The following RPS6KA5 variants were observed in gnomAD, a reference collection of about 807,000 sequenced individuals.
RPS6KA5 encodes the protein ribosomal protein S6 kinase A5, also known as ribosomal protein S6 kinase alpha-5.
RPS6KA5 carries 27 observed loss-of-function variants against 85.5 expected under a neutral mutation model. The ratio of observed to expected loss-of-function variants is 0.32; its 90% CI spans 0.23 to 0.44. The LOEUF is 0.44. Among genes scored for constraint, RPS6KA5 ranks in the 20% least tolerant of loss-of-function variants. The pLI is 1.00. For synonymous variants in RPS6KA5, 334 were observed against 348.2 expected (o/e 0.96, Z 0.46); for missense variants, 811 against 980.9 (o/e 0.83, Z 2.31).
chr14:91,030,201 G>A (rs1170447849), intron 1 of RPS6KA5, among the ~76,000 whole-genome samples: 1 of 152,136 alleles, frequency 6.6e-6, no homozygotes, highest in East Asian at 1.9e-4. Flanking sequence ...CGGATTTAAG[G>A]AGTTTTATTC....
intron 5 of RPS6KA5, among the ~76,000 whole-genome samples, chr14:90,932,119 T>A (rs537397925): frequency 3.8e-4 from 58 of 152,132 alleles, no homozygotes; most frequent in African/African-American, 1.4e-3. Flanking sequence ...CATTCAATCA[T>A]TCATTCATTC....
In RPS6KA5 at chr14:90,951,250, G is replaced by A. The variant is rs1032918290; in HGVS notation, c.395-3700C>T. 4.6e-5 allele frequency among the ~76,000 whole-genome samples: 7 copies of A among 152,130 alleles called. No homozygotes were observed. The South Asian group carries it at 8.3e-4, about 18-fold the overall frequency. ...TGTAATCCCAGCACTTTGTGAGGCC[G>A]AGGCGGGCGGGTCACCAGGTCAGGA... On this transcript the variant is annotated intron_variant, in intron 3 of 16. Coordinates refer to ENST00000614987, the MANE Select transcript of RPS6KA5 (RefSeq NM_004755.4).
intron 3 of RPS6KA5, among the ~76,000 whole-genome samples, chr14:90,977,986 C>T (rs554832613): frequency 3.2e-4 from 48 of 152,078 alleles, no homozygotes; most frequent in African/African-American, 1.1e-3. Flanking sequence ...ACCTGGGAGG[C>T]GGAGGTTGCA....
At chr14:90,914,610 T>C (rs943327797) in intron 7 of RPS6KA5, among the ~76,000 whole-genome samples, 8 of 152,164 alleles carry the variant, frequency 5.3e-5, no homozygotes, top group Non-Finnish European at 1.5e-5. Flanking sequence ...CCACTGCACC[T>C]GGCCTATCCC....
At chr14:91,003,681 C>A (rs1192916444) in intron 1 of RPS6KA5, among the ~76,000 whole-genome samples, 1 of 152,182 alleles carries the variant, frequency 6.6e-6, no homozygotes, top group Non-Finnish European at 1.5e-5. Context: ...ATTTCATTTA[C>A]TCTTTTTATT....
chr14:91,021,011 G>C (rs1225493277), intron 1 of RPS6KA5, among the ~76,000 whole-genome samples: 5 of 152,080 alleles, frequency 3.3e-5, no homozygotes, highest in Non-Finnish European at 7.3e-5. Context: ...AATGACATTA[G>C]ATTTATCATC....
Position 91,044,392 on chromosome 14 carries a change from GGAAAGAAAGAAAGAAAGAAA to G in RPS6KA5, c.103+15920_103+15939del, listed in dbSNP as rs71461930. On this transcript the variant is annotated intron_variant, in intron 1 of 16. Coordinates refer to ENST00000614987, the MANE Select transcript of RPS6KA5 (RefSeq NM_004755.4). ...AAGAAAGAAGGAAAGAAAGAAAGAA[GGAAAGAAAGAAAGAAAGAAA>G]GAAAGAAAGAAAGAAAGAAAGAAAG... 9.8e-3 allele frequency among the ~76,000 whole-genome samples: 542 copies of G among 55,162 alleles called. 6 individuals carry two copies. The highest frequency in any genetic ancestry group is 0.03 in the African/African-American group (471 of 15,714). 36.2% of individuals were successfully genotyped at this position (55,162 alleles called of 152,430 possible).
At chr14:90,914,961 G>A (rs2036032940) in intron 7 of RPS6KA5, among the ~76,000 whole-genome samples, 1 of 152,080 alleles carries the variant, frequency 6.6e-6, no homozygotes, top group Admixed American at 6.5e-5. Context: ...TGCTCATATT[G>A]GGTACAGAAA....
chr14:90,879,733 T>A (rs2140156280), intron 14 of RPS6KA5, among the ~76,000 whole-genome samples: 1 of 152,234 alleles, frequency 6.6e-6, no homozygotes, highest in South Asian at 2.1e-4. Flanking sequence ...AGCTTCAGGT[T>A]TCGCTTTCCG....
At position 90,944,119 on chromosome 14, in the gene RPS6KA5, A is replaced by T. The variant is rs574906608; in HGVS notation, c.511-934T>A. 3.9e-5 allele frequency among the ~76,000 whole-genome samples: 6 copies of T among 152,372 alleles called. No homozygotes were observed. In the East Asian group the frequency reaches 1.2e-3, roughly 29 times the overall value. On this transcript the variant is annotated intron_variant, in intron 4 of 16. Transcript: ENST00000614987. ...TAAAACTTACTTTTTTGTAAGTTCT[A>T]TAGCAAAACACTTCAGCTATATAAC...
At position 90,866,392 on chromosome 14, in the gene RPS6KA5, CAGGAG is replaced by C. The variant is rs1375269265; in HGVS notation, c.*5677_*5681del. 6.6e-6 allele frequency: 1 copy of C among 152,260 alleles called. No homozygotes were observed. The highest frequency in any genetic ancestry group is 6.6e-5 in the Admixed American group (1 of 15,266). 9.4% of individuals were successfully genotyped at this position (152,260 alleles called of 1,614,324 possible). The stretch of plus-strand genomic sequence containing the variant: ...CTGAGGTACAAGGATTGCTTGAGCC[CAGGAG>C]GTGGAGGTTGCAGTGAGCTGTGATC... On this transcript the variant is annotated 3_prime_UTR_variant, in exon 17 of 17. Coordinates refer to ENST00000614987, the MANE Select transcript of RPS6KA5 (RefSeq NM_004755.4).
intron 1 of RPS6KA5, among the ~76,000 whole-genome samples, chr14:91,032,276 A>C (rs1164428598): frequency 6.6e-6 from 1 of 152,220 alleles, no homozygotes; most frequent in Non-Finnish European, 1.5e-5. Flanking sequence ...GCAAAAGCTA[A>C]AACACATTTA....
intron 3 of RPS6KA5, among the ~76,000 whole-genome samples, chr14:90,949,337 T>C (rs2038047427): frequency 6.6e-6 from 1 of 152,220 alleles, no homozygotes; most frequent in Non-Finnish European, 1.5e-5. Flanking sequence ...ATTACTTTCT[T>C]CTATGTTAGC....
rs2032754794 is a variant in RPS6KA5 at position 90,865,333 on chromosome 14, CA to C, written c.*6740del. ...AATACTACAGAGCAACGAAAAAGAA[CA>C]AACTACTGTTATTGCTACATGCAAC... On this transcript the variant is annotated 3_prime_UTR_variant, in exon 17 of 17. Transcript: ENST00000614987. 1 of 152,182 alleles carries C rather than the reference CA, an allele frequency of 6.6e-6. No individual in the cohort carries two copies. Among genetic ancestry groups the C allele is most frequent in the Admixed American group, 6.5e-5 (1 of 15,284 alleles). The allele number at this position is 152,182 out of a possible 1,614,324, so 9.4% of individuals were successfully genotyped here. A position where few individuals can be genotyped will look rare whatever the true frequency, so the allele number is the denominator to read the frequency against.
At chr14:90,895,389 T>C (rs2034781961) in intron 12 of RPS6KA5, among the ~76,000 whole-genome samples, 1 of 152,134 alleles carries the variant, frequency 6.6e-6, no homozygotes, top group Non-Finnish European at 1.5e-5. Context: ...TTTGATATTG[T>C]CATTTTGAAC....
intron 5 of RPS6KA5, among the ~76,000 whole-genome samples, chr14:90,929,528 T>A (rs569725001): frequency 1.3e-5 from 2 of 152,192 alleles, no homozygotes; most frequent in African/African-American, 4.8e-5. Flanking sequence ...ACAAAATGTA[T>A]AAATAGAAAT....
intron 6 of RPS6KA5, among the ~76,000 whole-genome samples, chr14:90,922,023 G>T (rs189279966): frequency 6.6e-6 from 1 of 152,222 alleles, no homozygotes; most frequent in East Asian, 1.9e-4. Flanking sequence ...AGGCAAGAGA[G>T]GAGGCCAAAA....
intron 8 of RPS6KA5, among the ~76,000 whole-genome samples, chr14:90,904,706 G>A (rs998986653): frequency 2.6e-5 from 4 of 152,064 alleles, no homozygotes; most frequent in African/African-American, 7.3e-5. Context: ...TTCCACCTCC[G>A]CTCCATTTAT....
chr14:91,003,274 A>G (rs1251055421), intron 1 of RPS6KA5, among the ~76,000 whole-genome samples: 2 of 152,086 alleles, frequency 1.3e-5, no homozygotes, highest in East Asian at 1.9e-4. Flanking sequence ...TTATATTTAT[A>G]TATTACTTAT....
Sources: gnomAD v4.1 joint callset for allele counts (sites outside exome capture counted in the v4.1 genomes callset) on GRCh38, gnomAD v4.1.1 for gene constraint, MANE v1.5 for transcripts, NCBI Gene and HGNC (gene_info 2026-07-23, HGNC 2026-07-21) for gene names.